The following ATG2B variants were observed in gnomAD, a reference collection of about 807,000 sequenced individuals.
ATG2B encodes the protein autophagy-related protein 2 homolog B.
In ATG2B, 121 loss-of-function variants were observed where a neutral mutation model predicts 241.3. The ratio of observed to expected loss-of-function variants is 0.50; its 90% CI spans 0.43 to 0.58. The LOEUF is 0.58. ATG2B is among the 20% of genes least tolerant of loss of function. ATG2B has a pLI of 0.00. For missense variants in ATG2B, 2,306 were observed against 2,491.6 expected, an observed-to-expected ratio of 0.93 and a Z score of 1.59; for synonymous variants, 858 against 876.6, an observed-to-expected ratio of 0.98 and a Z score of 0.37.
rs1028498125 is a variant in ATG2B at position 96,280,116 on chromosome 14, A to T, written c.*5639T>A. 3 of 152,290 alleles carry T rather than the reference A, an allele frequency of 2.0e-5. No individual in the cohort carries two copies. Among genetic ancestry groups the T allele is most frequent in the Admixed American group, 2.0e-4 (3 of 15,286 alleles). The allele number at this position is 152,290 out of a possible 1,614,324, so 9.4% of individuals were successfully genotyped here. A position where few individuals can be genotyped will look rare whatever the true frequency, so the allele number is the denominator to read the frequency against. On this transcript the variant is annotated 3_prime_UTR_variant, in exon 42 of 42. Coordinates refer to ENST00000359933, the MANE Select transcript of ATG2B (RefSeq NM_018036.7). ...CGCTGGGGTGGCTAAGCACAGCCAGAAGAGGGGAGAGGGGCTGGAGACGCC... is the reference window on the plus strand; with the variant it reads ...CGCTGGGGTGGCTAAGCACAGCCAGTAGAGGGGAGAGGGGCTGGAGACGCC...
At chr14:96,312,243 C>T (rs1341903941) in intron 25 of ATG2B, 84 bp from the exon 26 acceptor site, 1 of 888,096 alleles carries the variant, frequency 1.1e-6, no homozygotes, top group Non-Finnish European at 1.8e-6. Flanking sequence ...TTAATTGCAT[C>T]ATTCTTTCTG....
Position 96,332,343 on chromosome 14 carries a change from G to A in ATG2B, c.1430C>T (p.Pro477Leu), listed in dbSNP as rs142484701. ...AGGTGTTGGGTGAACTAGGTTGGAT[G>A]GAAATGTTGACCCTCTTACTGGCTG... ...KEQPVRGSTF[P>L]SNLVHPTPLQ... Residue 477 changes from proline (P) to leucine (L), a missense_variant, in exon 10 of 42, where the codon CCA becomes CTA. Pro to Leu is a moderately conservative substitution (Grantham distance 98, BLOSUM62 -3). Around this residue, in one of 2 missense-constraint regions of ATG2B, gnomAD observed 1,927 missense variants for 2,011.2 expected, o/e 0.96. Transcript: ENST00000359933. 3.5e-3 allele frequency: 5,617 copies of A among 1,613,790 alleles called. 182 individuals carry two copies. The African/African-American group carries it at 0.065, about 19-fold the overall frequency.
At chr14:96,293,797 T>C (rs1053739552) in intron 36 of ATG2B, among the ~76,000 whole-genome samples, 9 of 152,184 alleles carry the variant, frequency 5.9e-5, no homozygotes, top group African/African-American at 2.2e-4. Context: ...TAAGTAAGTA[T>C]AGGGCTTGTG....
intron 29 of ATG2B, among the ~76,000 whole-genome samples, chr14:96,308,276 ATATATATTTTT>A (rs1566719974): frequency 7.0e-4 from 19 of 27,124 alleles, no homozygotes; most frequent in Non-Finnish European, 1.0e-3. Context: ...ATATATATAT[ATATATATTTTT>A]TTTTTTTTTT....
In ATG2B at chr14:96,282,840, A is replaced by G. The variant is rs1262463388; in HGVS notation, c.*2915T>C. 3 of 152,266 alleles carry G rather than the reference A, an allele frequency of 2.0e-5. No individual in the cohort carries two copies. Among genetic ancestry groups the G allele is most frequent in the African/African-American group, 7.2e-5 (3 of 41,472 alleles). The allele number at this position is 152,266 out of a possible 1,614,324, so 9.4% of individuals were successfully genotyped here. A position where few individuals can be genotyped will look rare whatever the true frequency, so the allele number is the denominator to read the frequency against. On this transcript the variant is annotated 3_prime_UTR_variant, in exon 42 of 42. Coordinates refer to ENST00000359933, the MANE Select transcript of ATG2B (RefSeq NM_018036.7). ...CAATCGGCTTGAAAAGTGACACACA[A>G]CAGGAGCAGGAAACACCAGTTTTTA...
intron 14 of ATG2B, among the ~76,000 whole-genome samples, chr14:96,327,422 T>A (rs1296246701): frequency 6.6e-6 from 1 of 152,194 alleles, no homozygotes; most frequent in Non-Finnish European, 1.5e-5. Context: ...CAAACTTGAC[T>A]GATTTAATTT....
rs748312782 is a variant in ATG2B, at chr14:96,322,266, T to C, written c.2737-12A>G. ...CCTGGCATCACCATCTAAAACATAA[T>C]AGTTCAGTGCAAAAAAAAAGGCATC... On this transcript the variant is annotated splice_polypyrimidine_tract_variant and intron_variant, in intron 17 of 41. Transcript: ENST00000359933. The C allele has an allele frequency of 3.2e-6, 5 of 1,581,976 alleles. No individual in the cohort carries two copies. The African/African-American group carries it at 4.1e-5, about 13-fold the overall frequency.
At chr14:96,334,555 C>A in intron 6 of ATG2B, 54 bp from the exon 7 acceptor site, 1 of 1,016,196 alleles carries the variant, frequency 9.8e-7, no homozygotes, top group South Asian at 1.5e-5. Flanking sequence ...AACCTTATCA[C>A]CATAAACGTC....
chr14:96,315,264 T>C (rs1381781200), intron 22 of ATG2B, 30 bp from the exon 23 acceptor site: 1 of 1,599,116 alleles, frequency 6.3e-7, no homozygotes, highest in Non-Finnish European at 8.6e-7. Context: ...GAATGACATT[T>C]ACCACCTATG....
At chr14:96,333,576 G>C in intron 8 of ATG2B, 112 bp downstream of exon 8, 1 of 957,732 alleles carries the variant, frequency 1.0e-6, no homozygotes, top group Non-Finnish European at 1.5e-6. Context: ...TTACAATGTG[G>C]ATCTTTTTGT....
At position 96,317,342 on chromosome 14, in the gene ATG2B, C is replaced by T. The variant is rs148210333; in HGVS notation, c.3038-25G>A. ...TCTATGAGAAATAAACATACAATTA[C>T]ATTCTGATAGCATATTAAAACAGCA... is the stretch of plus-strand genomic sequence containing the variant. On this transcript the variant is annotated intron_variant, in intron 19 of 41. Coordinates refer to ENST00000359933, the MANE Select transcript of ATG2B (RefSeq NM_018036.7). 25,937 of 1,570,548 alleles carry T rather than the reference C, an allele frequency of 0.017. 281 individuals are homozygous for T. Among genetic ancestry groups the T allele is most frequent in the Non-Finnish European group, 0.019 (22,222 of 1,153,442 alleles).
At position 96,289,814 on chromosome 14, in the gene ATG2B, T is replaced by G; in HGVS notation, c.5857-9A>C. On this transcript the variant is annotated splice_polypyrimidine_tract_variant and intron_variant, in intron 40 of 41. Transcript: ENST00000359933. The surrounding 1 kb of genome is among the most constrained non-coding windows in gnomAD (Gnocchi z 4.3). ...GCAGTCTCTGCAGCTGCCTGGATCA[T>G]TTTGTCAAAAGGAAGAAATGAATTA... 1.9e-6 allele frequency: 3 copies of G among 1,613,704 alleles called. No homozygotes were observed. Among genetic ancestry groups the G allele is most frequent in the Non-Finnish European group, 2.5e-6 (3 of 1,179,786 alleles).
intron 22 of ATG2B, 29 bp from the exon 23 acceptor site, chr14:96,315,263 T>C: frequency 6.3e-7 from 1 of 1,599,282 alleles, no homozygotes; most frequent in Non-Finnish European, 8.6e-7. Flanking sequence ...AGAATGACAT[T>C]TACCACCTAT....
intron 14 of ATG2B, among the ~76,000 whole-genome samples, chr14:96,327,348 T>C (rs1186287626): frequency 6.6e-6 from 1 of 152,178 alleles, no homozygotes; most frequent in South Asian, 2.1e-4. Context: ...CCTTTTCTTT[T>C]TAACTAAGGT....
chr14:96,295,235 T>A (rs1323042089), intron 35 of ATG2B, 68 bp from the exon 36 acceptor site: 36 of 1,329,472 alleles, frequency 2.7e-5, no homozygotes, highest in Non-Finnish European at 3.8e-5. Flanking sequence ...TAAATCAATC[T>A]TGATCTAATT....
chr14:96,293,652 G>T lies in ATG2B; in HGVS notation c.5426+1308C>A, dbSNP rs762228558. On this transcript the variant is annotated intron_variant, in intron 36 of 41. Transcript: ENST00000359933. ...TTGAGCAAGTCAACTAATCTCTCTG[G>T]GCATTCATTTCCTCATTTGTAAGGT... Among the ~76,000 whole-genome samples the T allele has an allele frequency of 5.0e-4, 76 of 152,200 alleles. 1 individual carries two copies. The highest frequency in any genetic ancestry group is 1.6e-3 in the Admixed American group (25 of 15,270).
At chr14:96,303,299 C>G in intron 32 of ATG2B, 44 bp from the exon 33 acceptor site, 1 of 1,367,848 alleles carries the variant, frequency 7.3e-7, no homozygotes. Flanking sequence ...TCTTTACATT[C>G]CTTTTATTAA....
intron 31 of ATG2B, among the ~76,000 whole-genome samples, 169 bp from the exon 32 acceptor site, chr14:96,304,772 T>C (rs1362272519): frequency 6.6e-6 from 1 of 152,182 alleles, no homozygotes; most frequent in East Asian, 1.9e-4. Flanking sequence ...CTTTACTCTG[T>C]AGACACTGAA....
chr14:96,308,119 A>G (rs1208383264), intron 29 of ATG2B, among the ~76,000 whole-genome samples: 1 of 148,416 alleles, frequency 6.7e-6, no homozygotes, highest in East Asian at 2.0e-4. Flanking sequence ...ATTCTTTCCC[A>G]TGTAATTAAG....
Sources: gnomAD v4.1 joint callset for allele counts (sites outside exome capture counted in the v4.1 genomes callset) on GRCh38, gnomAD v4.1.1 for gene constraint, gnomAD v4.1.1 regional missense constraint, Gnocchi (gnomAD v3.1) non-coding constraint, MANE v1.5 for transcripts, NCBI Gene and HGNC (gene_info 2026-07-23, HGNC 2026-07-21) for gene names.